The following RASGEF1A variants were observed in gnomAD, a reference collection of about 807,000 sequenced individuals.
RASGEF1A encodes RasGEF domain family member 1A.
Under a neutral mutation model 56.4 loss-of-function variants are expected in RASGEF1A, and 18 were observed. The observed-to-expected ratio is 0.32, with a 90% CI of 0.22 to 0.47. The LOEUF is 0.47. Ranked by LOEUF, RASGEF1A falls within the 20% of genes least tolerant of loss-of-function variation. The pLI is 1.00. For missense variants in RASGEF1A, 422 were observed against 627.1 expected, an observed-to-expected ratio of 0.67 and a Z score of 3.49; for synonymous variants, 245 against 242.6, an observed-to-expected ratio of 1.01 and a Z score of -0.09.
chr10:43,208,541 A>G lies in RASGEF1A; in HGVS notation c.-6-2419T>C, dbSNP rs920093236. 16 of 985,578 alleles carry G rather than the reference A, an allele frequency of 1.6e-5. No homozygotes were observed. The African/African-American group carries it at 2.8e-4, about 17-fold the overall frequency. 61.1% of individuals were successfully genotyped at this position (985,578 alleles called of 1,614,324 possible). On this transcript the variant is annotated intron_variant, in intron 1 of 12. Coordinates refer to ENST00000395810, the MANE Select transcript of RASGEF1A (RefSeq NM_145313.4). Reference sequence around the variant, plus strand: ...ATGCAGGGGTGTCCCAGGCAAGCAGAGGTTCTGCACATGCTCAGAATCCCT... The same window carrying G: ...ATGCAGGGGTGTCCCAGGCAAGCAGGGGTTCTGCACATGCTCAGAATCCCT...
rs1308293415 is a variant in RASGEF1A, at chr10:43,196,109, AC to A, written c.*134del. 7 of 812,250 alleles carry A rather than the reference AC, an allele frequency of 8.6e-6. No homozygotes were observed. Among genetic ancestry groups the A allele is most frequent in the Non-Finnish European group, 9.7e-6 (5 of 516,240 alleles). 50.3% of individuals were successfully genotyped at this position (812,250 alleles called of 1,614,324 possible). On this transcript the variant is annotated 3_prime_UTR_variant, in exon 13 of 13. Transcript: ENST00000395810. The surrounding 1 kb of genome is among the most constrained non-coding windows in gnomAD (Gnocchi z 4.6). ...CCAAAGGTTGATGCGTGAAATAATT[AC>A]CATTTTTTTCTCATAAAAGTTATAT...
At chr10:43,200,991 G>T in intron 4 of RASGEF1A, 103 bp from the exon 5 acceptor site, 1 of 1,046,686 alleles carries the variant, frequency 9.6e-7, no homozygotes, top group Non-Finnish European at 1.4e-6. Context: ...CCTAACCAAC[G>T]TGAGCCCACA....
At chr10:43,223,702 C>T (rs549651686) in intron 1 of RASGEF1A, among the ~76,000 whole-genome samples, 4 of 152,252 alleles carry the variant, frequency 2.6e-5, no homozygotes, top group South Asian at 4.2e-4. Context: ...TCAAGGATAA[C>T]CCTCTTGCAA....
intron 1 of RASGEF1A, among the ~76,000 whole-genome samples, chr10:43,228,913 T>C (rs1213247799): frequency 6.6e-6 from 1 of 152,200 alleles, no homozygotes; most frequent in Non-Finnish European, 1.5e-5. Flanking sequence ...CCTGCATCTT[T>C]CACGTGGCCA....
In RASGEF1A at chr10:43,236,382, T is replaced by G. The variant is rs115904389; in HGVS notation, c.-6-30260A>C. On this transcript the variant is annotated intron_variant, in intron 1 of 12. Transcript: ENST00000395810. ...ACATGTGTGCCTGAGCAGGTGTGCG[T>G]ATGCACATGTGTGCTTTCTGCATGT... 3.3e-3 allele frequency among the ~76,000 whole-genome samples: 509 copies of G among 152,356 alleles called. 3 individuals are homozygous for G. The highest frequency in any genetic ancestry group is 0.012 in the African/African-American group (502 of 41,574).
intron 1 of RASGEF1A, among the ~76,000 whole-genome samples, chr10:43,232,617 G>T (rs1250721912): frequency 6.6e-6 from 1 of 151,408 alleles, no homozygotes; most frequent in Non-Finnish European, 1.5e-5. Context: ...CTCTCAAGTA[G>T]CTGGGATTAC....
intron 1 of RASGEF1A, among the ~76,000 whole-genome samples, chr10:43,261,868 G>C (rs78427227): frequency 4.9e-3 from 749 of 152,372 alleles, no homozygotes; most frequent in Middle Eastern, 6.8e-3. Context: ...GCTGGGCACA[G>C]AACTAGCCTA....
At chr10:43,238,047 C>T (rs1025389543) in intron 1 of RASGEF1A, among the ~76,000 whole-genome samples, 3 of 140,168 alleles carry the variant, frequency 2.1e-5, no homozygotes, top group Non-Finnish European at 3.0e-5. Context: ...GCCTGAGACC[C>T]GCCTTCAGGA....
chr10:43,226,596 A>G (rs1840282966), intron 1 of RASGEF1A, among the ~76,000 whole-genome samples: 1 of 151,768 alleles, frequency 6.6e-6, no homozygotes, highest in Non-Finnish European at 1.5e-5. Context: ...CTGAACTCCC[A>G]TTGTCCTGGA....
rs767134279 is a variant in RASGEF1A at position 43,198,833 on chromosome 10, G to C, written c.1032+100C>G. 2.5e-5 allele frequency: 27 copies of C among 1,079,014 alleles called. No homozygotes were observed. The South Asian group carries it at 3.3e-4, about 13-fold the overall frequency. The allele number at this position is 1,079,014 out of a possible 1,614,324, so 66.8% of individuals were successfully genotyped here. On this transcript the variant is annotated intron_variant, in intron 9 of 12. Coordinates refer to ENST00000395810, the MANE Select transcript of RASGEF1A (RefSeq NM_145313.4). ...GCACTGTAGGTGCTAGCCCCAGGGA[G>C]AGGAGGGCAGCCCCCCACCCCCACT...
At chr10:43,264,550 C>T (rs1304532590) in intron 1 of RASGEF1A, among the ~76,000 whole-genome samples, 15 of 151,708 alleles carry the variant, frequency 9.9e-5, no homozygotes, top group Non-Finnish European at 1.9e-4. Context: ...GGGAGGCAGG[C>T]TGGAGTGGGT....
chr10:43,205,705 C>T (rs567942611), intron 2 of RASGEF1A, among the ~76,000 whole-genome samples: 7 of 152,278 alleles, frequency 4.6e-5, no homozygotes, highest in Admixed American at 3.3e-4. Flanking sequence ...AGGGAAGTCA[C>T]AGCAGGTTCC....
chr10:43,207,222 G>C, intron 1 of RASGEF1A: 1 of 985,540 alleles, frequency 1.0e-6, no homozygotes, highest in Non-Finnish European at 1.2e-6. Flanking sequence ...GCCAGCGGCT[G>C]AGGTCAGGTG....
At chr10:43,209,191 G>C (rs912930189) in intron 1 of RASGEF1A, 3 of 985,420 alleles carry the variant, frequency 3.0e-6, no homozygotes, top group Non-Finnish European at 3.6e-6. Context: ...ATGATACACC[G>C]ATGGCCAGGG....
chr10:43,229,691 C>G (rs1323279439), intron 1 of RASGEF1A: 6 of 1,443,856 alleles, frequency 4.2e-6, no homozygotes, highest in Non-Finnish European at 3.6e-6. Context: ...CTGCCCGGTC[C>G]GGCGTCCAGC....
At chr10:43,208,435 T>C in intron 1 of RASGEF1A, 1 of 985,608 alleles carries the variant, frequency 1.0e-6, no homozygotes, top group Non-Finnish European at 1.2e-6. Context: ...GGAGCCATCC[T>C]GGGGACCCAG....
At chr10:43,202,021 C>G in intron 3 of RASGEF1A, 76 bp from the exon 4 acceptor site, 1 of 1,437,662 alleles carries the variant, frequency 7.0e-7, no homozygotes, top group Non-Finnish European at 9.3e-7. Context: ...TGCAAGCTTC[C>G]CACATCCCCA....
chr10:43,196,583 C>CCCA lies in RASGEF1A; in HGVS notation c.1349-38_1349-36dup, dbSNP rs1178798138. The CCCA allele has an allele frequency of 6.3e-7, 1 of 1,589,718 alleles. No individual in the cohort carries two copies. Among genetic ancestry groups the CCCA allele is most frequent in the African/African-American group, 1.3e-5 (1 of 74,456 alleles). On this transcript the variant is annotated intron_variant, in intron 11 of 12. Coordinates refer to ENST00000395810, the MANE Select transcript of RASGEF1A (RefSeq NM_145313.4). The surrounding 1 kb of genome is among the most constrained non-coding windows in gnomAD (Gnocchi z 4.6). ...GGGAAAGTCCCTCAGAGCCTGTGTC[C>CCCA]CCATGCAGTGTCTGCCTGAACCCAG...
chr10:43,238,284 T>C (rs886583570), intron 1 of RASGEF1A, among the ~76,000 whole-genome samples: 1 of 151,144 alleles, frequency 6.6e-6, no homozygotes, highest in Non-Finnish European at 1.5e-5. Flanking sequence ...CCTTCGGGGG[T>C]GTTGTATCGC....
Sources: gnomAD v4.1 joint callset for allele counts (sites outside exome capture counted in the v4.1 genomes callset) on GRCh38, gnomAD v4.1.1 for gene constraint, Gnocchi (gnomAD v3.1) non-coding constraint, MANE v1.5 for transcripts, NCBI Gene and HGNC (gene_info 2026-07-23, HGNC 2026-07-21) for gene names.